RIPOR3: variants seen among roughly 807,000 people sequenced by gnomAD.
RIPOR3 encodes the protein RIPOR family member 3.
RIPOR3 carries 95 observed loss-of-function variants against 114.3 expected under a neutral mutation model. That is an observed-to-expected ratio of 0.83 (90% CI 0.70 to 0.99). The LOEUF (loss-of-function observed/expected upper bound fraction) is 0.99. Among genes scored for constraint, RIPOR3 ranks in the 50% least tolerant of loss-of-function variants. The pLI is 0.00. For missense variants in RIPOR3, 1,252 were observed against 1,266.9 expected, an observed-to-expected ratio of 0.99 and a Z score of 0.18; for synonymous variants, 575 against 543.8, an observed-to-expected ratio of 1.06 and a Z score of -0.80.
At chr20:50,663,180 T>TG (rs2086059223) in intron 1 of RIPOR3, among the ~76,000 whole-genome samples, 2 of 151,526 alleles carry the variant, frequency 1.3e-5, no homozygotes, top group Admixed American at 6.6e-5. Context: ...GTCACACAGG[T>TG]ATTCACTGAC....
At chr20:50,603,490 C>T (rs112418556) in intron 12 of RIPOR3, among the ~76,000 whole-genome samples, 55 of 152,312 alleles carry the variant, frequency 3.6e-4, no homozygotes, top group Non-Finnish European at 7.1e-4. Context: ...CCACCCGCCT[C>T]GGCCTCTCAA....
At chr20:50,640,354 T>C (rs1190084250) in intron 1 of RIPOR3, among the ~76,000 whole-genome samples, 1 of 151,066 alleles carries the variant, frequency 6.6e-6, no homozygotes, top group Non-Finnish European at 1.5e-5. Context: ...AGCCGAGACC[T>C]GCCTGAGACC....
rs1232962892 is a variant in RIPOR3, at chr20:50,615,523, T to TC, written c.348+478dup. The stretch of plus-strand genomic sequence containing the variant: ...CTGGACAACAAAGGGAAATCCTGTC[T>TC]CAAAAAAAAAAAAAAAAAAAAAAGA... On this transcript the variant is annotated intron_variant, in intron 4 of 21. Coordinates refer to ENST00000327979, the MANE Select transcript of RIPOR3 (RefSeq NM_001290268.2). Among the ~76,000 whole-genome samples, 3 of 81,746 alleles carry TC rather than the reference T, an allele frequency of 3.7e-5. No individual in the cohort carries two copies. The East Asian group carries it at 1.0e-3, about 28-fold the overall frequency. 53.6% of individuals were successfully genotyped at this position (81,746 alleles called of 152,430 possible).
intron 1 of RIPOR3, among the ~76,000 whole-genome samples, chr20:50,635,034 AAAACAAAC>A (rs954254026): frequency 6.6e-6 from 1 of 152,230 alleles, no homozygotes; most frequent in Admixed American, 6.5e-5. Flanking sequence ...CTCCATCTCA[AAAACAAAC>A]AAACAAACAA....
rs140383119 is a variant in RIPOR3, at chr20:50,607,000, G to T, written c.956+1389C>A. Among the ~76,000 whole-genome samples the T allele has an allele frequency of 2.9e-3, 449 of 152,296 alleles. 3 individuals carry two copies. Among genetic ancestry groups the T allele is most frequent in the African/African-American group, 0.01 (431 of 41,562 alleles). On this transcript the variant is annotated intron_variant, in intron 11 of 21. Transcript: ENST00000327979. Reference sequence around the variant, plus strand: ...CCACCTACGCCTCTCAAAGTGCTGGGATTATAGGTGTGAGCCACCGCGCCC... The same window carrying T: ...CCACCTACGCCTCTCAAAGTGCTGGTATTATAGGTGTGAGCCACCGCGCCC...
intron 14 of RIPOR3, among the ~76,000 whole-genome samples, chr20:50,596,818 C>T (rs556819565): frequency 2.0e-5 from 3 of 152,260 alleles, no homozygotes; most frequent in East Asian, 1.9e-4. Context: ...TGGTGAGATG[C>T]GGATGCAGAA....
chr20:50,614,848 C>G (rs2084104141), intron 4 of RIPOR3: 1 of 167,844 alleles, frequency 6.0e-6, no homozygotes, highest in Admixed American at 6.6e-5. Context: ...CACTTGAGGT[C>G]AGGAGTTTGA....
chr20:50,620,552 G>A (rs2065404), intron 2 of RIPOR3, among the ~76,000 whole-genome samples: 2,419 of 152,092 alleles, frequency 0.016, 60 homozygotes, highest in African/African-American at 0.055. Context: ...GCTTGAACCC[G>A]GGAGGTGGAG....
chr20:50,639,819 A>T (rs1015642768), intron 1 of RIPOR3, among the ~76,000 whole-genome samples: 24 of 152,110 alleles, frequency 1.6e-4, no homozygotes, highest in Non-Finnish European at 8.8e-5. Flanking sequence ...CTCCAATCAG[A>T]AGCCCTCACT....
Position 50,587,856 on chromosome 20 carries a change from G to A in RIPOR3, c.2698C>T (p.Gln900Ter). Residue 900 changes from glutamine to a stop codon, truncating the protein, a stop_gained, in exon 21 of 22, where the codon CAG (glutamine) becomes TAG (stop). Transcript: ENST00000327979. LOFTEE classifies it high-confidence loss of function. ...ESIDQTASLCQSDLEAVRAAA... is the reference protein window; with the variant it reads ...ESIDQTASLC Reference sequence around the variant, plus strand: ...GCCCGCACGGCCTCCAGGTCAGACTGGCACAGGCTGGCAGTCTGGTCGATG... The same window carrying A: ...GCCCGCACGGCCTCCAGGTCAGACTAGCACAGGCTGGCAGTCTGGTCGATG... The A allele has an allele frequency of 6.2e-7, 1 of 1,614,150 alleles. No individual in the cohort carries two copies. Among genetic ancestry groups the A allele is most frequent in the Non-Finnish European group, 8.5e-7 (1 of 1,180,036 alleles).
chr20:50,611,014 T>C, intron 5 of RIPOR3, 108 bp from the exon 6 acceptor site: 1 of 281,106 alleles, frequency 3.6e-6, no homozygotes, highest in Non-Finnish European at 5.4e-6. Flanking sequence ...ATGGGGCCCC[T>C]CACCATCCCT....
intron 16 of RIPOR3, 103 bp downstream of exon 16, chr20:50,595,266 G>T: frequency 2.7e-6 from 4 of 1,467,120 alleles, no homozygotes; most frequent in Non-Finnish European, 3.7e-6. Flanking sequence ...TCTGGGCCCC[G>T]ATTAACTCTG....
chr20:50,686,741 A>G (rs2087038480), intron 1 of RIPOR3, among the ~76,000 whole-genome samples: 1 of 147,122 alleles, frequency 6.8e-6, no homozygotes, highest in African/African-American at 2.5e-5. Flanking sequence ...ACAGAGCGAG[A>G]CTCTGTTAAA....
chr20:50,602,770 C>T lies in RIPOR3; in HGVS notation c.1087-126G>A, dbSNP rs2083552981. ...TGTTCTCAGGATGACTGAGGCCTGC[C>T]GAGGTGACCAGCATCCCAGAGGTGC... On this transcript the variant is annotated intron_variant, in intron 12 of 21. Coordinates refer to ENST00000327979, the MANE Select transcript of RIPOR3 (RefSeq NM_001290268.2). The surrounding 1 kb of genome is among the most constrained non-coding windows in gnomAD (Gnocchi z 4.3). 1.4e-5 allele frequency: 9 copies of T among 633,228 alleles called. No individual in the cohort carries two copies. Among genetic ancestry groups the T allele is most frequent in the East Asian group, 3.3e-5 (1 of 29,898 alleles). 39.2% of individuals were successfully genotyped at this position (633,228 alleles called of 1,614,324 possible). A position where few individuals can be genotyped will look rare whatever the true frequency, so the allele number is the denominator to read the frequency against.
intron 1 of RIPOR3, among the ~76,000 whole-genome samples, chr20:50,682,328 C>T (rs1329852511): frequency 1.3e-5 from 2 of 152,206 alleles, no homozygotes; most frequent in Admixed American, 6.5e-5. Flanking sequence ...AGTGCAGGGG[C>T]TGGGCACCAT....
rs559836323 is a variant in RIPOR3 at position 50,595,319 on chromosome 20, TC to T, written c.2050+49del. ...AGAGGCTCCCCGAGCTTTGATCCCG[TC>T]CCCGTGCCGCTCACATAGGCAGCCC... On this transcript the variant is annotated intron_variant, in intron 16 of 21. Coordinates refer to ENST00000327979, the MANE Select transcript of RIPOR3 (RefSeq NM_001290268.2). 4.4e-5 allele frequency: 71 copies of T among 1,596,698 alleles called. 1 individual carries two copies. The South Asian group carries it at 7.2e-4, about 16-fold the overall frequency.
In RIPOR3 at chr20:50,663,022, G is replaced by A. The variant is rs145313318; in HGVS notation, c.3+28104C>T. 9.6e-3 allele frequency among the ~76,000 whole-genome samples: 1,453 copies of A among 151,744 alleles called. 25 individuals are homozygous for A. The highest frequency in any genetic ancestry group is 0.031 in the African/African-American group (1,298 of 41,320). ...GAAGCCAGGAGAATCACTTGAACCG[G>A]GGAGGTGGAGGTTGCAGTGGGCCAA... On this transcript the variant is annotated intron_variant, in intron 1 of 21. Transcript: ENST00000327979.
At position 50,608,741 on chromosome 20, in the gene RIPOR3, G is replaced by A; in HGVS notation, c.685-3C>T. The A allele has an allele frequency of 6.2e-7, 1 of 1,613,970 alleles. No homozygotes were observed. Among genetic ancestry groups the A allele is most frequent in the East Asian group, 2.2e-5 (1 of 44,872 alleles). On this transcript the variant is annotated splice_region_variant and splice_polypyrimidine_tract_variant and intron_variant, in intron 9 of 21. Coordinates refer to ENST00000327979, the MANE Select transcript of RIPOR3 (RefSeq NM_001290268.2). ...TGGCGGCCCAGACGCATGAGCACCTGTGAACCAGCCCGAGAGGGGCCGCGT... is the reference window on the plus strand; with the variant it reads ...TGGCGGCCCAGACGCATGAGCACCTATGAACCAGCCCGAGAGGGGCCGCGT...
intron 1 of RIPOR3, among the ~76,000 whole-genome samples, chr20:50,682,974 G>T (rs549885343): frequency 6.6e-6 from 1 of 152,122 alleles, no homozygotes; most frequent in Non-Finnish European, 1.5e-5. Context: ...TGATCTGCCC[G>T]CCTTGGCCTC....
Sources: allele counts gnomAD v4.1 joint callset (sites outside exome capture counted in the v4.1 genomes callset), GRCh38; gene constraint gnomAD v4.1.1; non-coding constraint Gnocchi (gnomAD v3.1); transcripts MANE v1.5; gene names NCBI Gene and HGNC (gene_info 2026-07-23, HGNC 2026-07-21).